Variants in ZNF536 observed in about 807,000 individuals in gnomAD.
The protein encoded by ZNF536 is zinc finger protein 536.
Under a neutral mutation model 84.5 loss-of-function variants are expected in ZNF536, and 13 were observed. That is an observed-to-expected ratio of 0.15 (90% CI 0.10 to 0.24). ZNF536 has a LOEUF of 0.24. ZNF536 is among the 10% of genes least tolerant of loss of function. The pLI is 1.00. For missense variants in ZNF536, 1,536 were observed against 1,747.5 expected (o/e 0.88, Z 2.16); for synonymous variants, 811 against 742.5 (o/e 1.09, Z -1.50).
At chr19:30,468,661 G>A (rs929702664) in intron 2 of ZNF536, among the ~76,000 whole-genome samples, 5 of 152,132 alleles carry the variant, frequency 3.3e-5, no homozygotes, top group Non-Finnish European at 7.3e-5. Flanking sequence ...AAGGCACGGA[G>A]CAGCATGGAG....
chr19:30,233,191 G>C (rs1307329531), intron 1 of ZNF536, among the ~76,000 whole-genome samples: 1 of 147,788 alleles, frequency 6.8e-6, no homozygotes, highest in East Asian at 2.1e-4. Flanking sequence ...GAGGTCAATT[G>C]CACATGGAGG....
chr19:30,702,501 G>A (rs1344886770), intron 1 of ZNF536, among the ~76,000 whole-genome samples: 1 of 152,168 alleles, frequency 6.6e-6, no homozygotes, highest in Admixed American at 6.5e-5. Flanking sequence ...AGGGCTCTGA[G>A]CCCTGGATAA....
intron 2 of ZNF536, among the ~76,000 whole-genome samples, chr19:30,486,592 T>C (rs2054310038): frequency 6.6e-6 from 1 of 152,218 alleles, no homozygotes; most frequent in Non-Finnish European, 1.5e-5. Flanking sequence ...AATAGAATGA[T>C]TTATATTCCT....
Position 30,238,836 on chromosome 19 carries a change from T to A in ZNF536, c.-190+10163T>A, listed in dbSNP as rs367725071. ...CATGTTCCAAATTAAAAAAAAAATATATATATACACACACATACACATATA... is the reference window on the plus strand; with the variant it reads ...CATGTTCCAAATTAAAAAAAAAATAAATATATACACACACATACACATATA... On this transcript the variant is annotated intron_variant, in intron 1 of 5. Transcript: ENST00000585628. Among the ~76,000 whole-genome samples, 508 of 140,614 alleles carry A rather than the reference T, an allele frequency of 3.6e-3. 2 individuals are homozygous for A. Among genetic ancestry groups the A allele is most frequent in the African/African-American group, 0.012 (487 of 39,170 alleles). The allele number at this position is 140,614 out of a possible 152,430, so 92.2% of individuals were successfully genotyped here.
At chr19:30,493,636 C>G (rs1021041234) in intron 2 of ZNF536, among the ~76,000 whole-genome samples, 26 of 152,162 alleles carry the variant, frequency 1.7e-4, no homozygotes, top group African/African-American at 6.0e-4. Flanking sequence ...TGAGATTTCT[C>G]TGGAACTGTC....
At chr19:30,573,429 G>A (rs1796343566) in intron 1 of ZNF536, among the ~76,000 whole-genome samples, 1 of 152,284 alleles carries the variant, frequency 6.6e-6, no homozygotes, top group South Asian at 2.1e-4. Context: ...TTTTGAGGCT[G>A]ACCAGTTGTA....
intron 1 of ZNF536, among the ~76,000 whole-genome samples, chr19:30,234,787 C>CCCACA (rs1268670875): frequency 6.6e-6 from 1 of 151,512 alleles, no homozygotes; most frequent in African/African-American, 2.4e-5. Flanking sequence ...GCACACGCAC[C>CCCACA]CCACACCACG....
chr19:30,522,263 A>ACATG (rs1568512202), intron 2 of ZNF536, among the ~76,000 whole-genome samples: 10 of 119,352 alleles, frequency 8.4e-5, no homozygotes, highest in African/African-American at 2.7e-4. Flanking sequence ...ATATATATAC[A>ACATG]TATATATATA....
At chr19:30,636,532 AG>A (rs2049071500) in intron 1 of ZNF536, among the ~76,000 whole-genome samples, 1 of 152,126 alleles carries the variant, frequency 6.6e-6, no homozygotes, top group Admixed American at 6.5e-5. Flanking sequence ...TAAAGAGAAA[AG>A]TCCACAGGGT....
At chr19:30,251,163 G>A (rs1012477407) in intron 1 of ZNF536, among the ~76,000 whole-genome samples, 2 of 152,124 alleles carry the variant, frequency 1.3e-5, no homozygotes, top group African/African-American at 4.8e-5. Flanking sequence ...AGCACTCCCT[G>A]GATGCACTTG....
chr19:30,330,572 C>T (rs1365041770), intron 2 of ZNF536, among the ~76,000 whole-genome samples: 2 of 152,122 alleles, frequency 1.3e-5, no homozygotes, highest in Non-Finnish European at 2.9e-5. Flanking sequence ...CTCAGGCTCC[C>T]ATTTCTAGGA....
At chr19:30,460,013 G>A (rs1027987123) in intron 2 of ZNF536, among the ~76,000 whole-genome samples, 2 of 152,116 alleles carry the variant, frequency 1.3e-5, no homozygotes, top group African/African-American at 2.4e-5. Flanking sequence ...CAGCTCAAAC[G>A]GCAACCCCAT....
Position 30,550,818 on chromosome 19 carries a change from T to C in ZNF536, c.3895+1304T>C, listed in dbSNP as rs370716360. Among the ~76,000 whole-genome samples, 34 of 152,304 alleles carry C rather than the reference T, an allele frequency of 2.2e-4. 1 individual carries two copies. The highest frequency in any genetic ancestry group is 1.3e-3 in the East Asian group (7 of 5,186). On this transcript the variant is annotated intron_variant, in intron 4 of 4. Coordinates refer to ENST00000355537, the MANE Select transcript of ZNF536 (RefSeq NM_014717.3). ...GAATCAAGCGGTCAGAAATATTTTT[T>C]TGAATTGTCGAAAATCACTAAATGG...
intron 1 of ZNF536, among the ~76,000 whole-genome samples, chr19:30,597,783 G>A (rs1326879880): frequency 1.3e-5 from 2 of 152,116 alleles, no homozygotes; most frequent in African/African-American, 4.8e-5. Flanking sequence ...TATGCATATT[G>A]TATGCATATT....
At chr19:30,399,133 A>G (rs2049942502) in intron 1 of ZNF536, among the ~76,000 whole-genome samples, 1 of 152,146 alleles carries the variant, frequency 6.6e-6, no homozygotes, top group Non-Finnish European at 1.5e-5. Flanking sequence ...ATGGTATCTC[A>G]TTGTGGTTTT....
Position 30,664,216 on chromosome 19 carries a change from C to T in ZNF536, c.170-46541C>T, listed in dbSNP as rs1032299495. 5.1e-4 allele frequency among the ~76,000 whole-genome samples: 5 copies of T among 9,846 alleles called. No individual in the cohort carries two copies. The South Asian group carries it at 0.01, about 20-fold the overall frequency. 6.5% of individuals were successfully genotyped at this position (9,846 alleles called of 152,430 possible). A position where few individuals can be genotyped will look rare whatever the true frequency, so the allele number is the denominator to read the frequency against. On this transcript the variant is annotated intron_variant, in intron 1 of 1. Transcript: ENST00000592773. The stretch of plus-strand genomic sequence containing the variant: ...TTCTTGCTGAGTTTTCTCTCTCTCT[C>T]TCTCTCTCTCTCTCTCTCTCTCTCT...
intron 1 of ZNF536, among the ~76,000 whole-genome samples, chr19:30,599,098 T>A (rs1258100258): frequency 8.6e-6 from 1 of 115,874 alleles, no homozygotes; most frequent in Non-Finnish European, 1.8e-5. Flanking sequence ...CTCCTCTCTC[T>A]CTCCTTTCCT....
intron 1 of ZNF536, among the ~76,000 whole-genome samples, chr19:30,241,555 C>G (rs1427524853): frequency 6.6e-6 from 1 of 152,176 alleles, no homozygotes; most frequent in African/African-American, 2.4e-5. Context: ...AGTGCAGAGC[C>G]TCTGAGACAG....
intron 1 of ZNF536, among the ~76,000 whole-genome samples, chr19:30,669,146 C>A (rs1420124013): frequency 6.6e-6 from 1 of 152,356 alleles, no homozygotes; most frequent in East Asian, 1.9e-4. Flanking sequence ...GAGCAATTGT[C>A]CCAATGCCAC....
Sources: gnomAD v4.1 joint callset for allele counts (sites outside exome capture counted in the v4.1 genomes callset) on GRCh38, gnomAD v4.1.1 for gene constraint, MANE v1.5 for transcripts, NCBI Gene and HGNC (gene_info 2026-07-23, HGNC 2026-07-21) for gene names.